The following WDR37 variants were observed in gnomAD, a reference collection of about 807,000 sequenced individuals.
WDR37 encodes the protein WD repeat domain 37.
WDR37 carries 19 observed loss-of-function variants against 62.9 expected under a neutral mutation model. The ratio of observed to expected loss-of-function variants is 0.30; its 90% CI spans 0.21 to 0.44. The LOEUF is 0.44. Ranked by LOEUF, WDR37 falls within the 20% of genes least tolerant of loss-of-function variation. The probability of loss-of-function intolerance (pLI) is 1.00; values close to 1 mark genes in which losing one functional copy is unlikely to be tolerated. For synonymous variants in WDR37, 250 were observed against 260.9 expected, an observed-to-expected ratio of 0.96 and a Z score of 0.40; for missense variants, 474 against 657.6, an observed-to-expected ratio of 0.72 and a Z score of 3.05.
chr10:1,067,660 A>G (rs1833595270), intron 1 of WDR37, among the ~76,000 whole-genome samples: 1 of 152,240 alleles, frequency 6.6e-6, no homozygotes, highest in Admixed American at 6.5e-5. Context: ...ATGAAAAGAT[A>G]GTGTCACTAG....
Position 1,122,098 on chromosome 10 carries a change from G to A in WDR37, c.1104-2120G>A, listed in dbSNP as rs147400996. On this transcript the variant is annotated intron_variant, in intron 11 of 13. Transcript: ENST00000263150. ...TCTCATCCAGGGCCGCATAGAGCAT[G>A]AAATCCCATGTCACGGTACAGCTTC... Among the ~76,000 whole-genome samples the A allele has an allele frequency of 9.3e-3, 1,415 of 152,264 alleles. 9 individuals carry two copies. The highest frequency in any genetic ancestry group is 0.015 in the Non-Finnish European group (1,029 of 68,028).
intron 1 of WDR37, among the ~76,000 whole-genome samples, chr10:1,068,435 C>T (rs922663757): frequency 7.3e-5 from 11 of 151,400 alleles, no homozygotes; most frequent in African/African-American, 2.2e-4. Context: ...CCAGCCTGGG[C>T]GACAGCGAGA....
At chr10:1,118,332 CCT>C (rs1376449568) in intron 11 of WDR37, among the ~76,000 whole-genome samples, 1 of 132,152 alleles carries the variant, frequency 7.6e-6, no homozygotes, top group Non-Finnish European at 1.6e-5. Context: ...ACTCAGCCAC[CCT>C]CAGCCAGCCC....
At chr10:1,096,615 G>T in intron 9 of WDR37, 1 of 237,630 alleles carries the variant, frequency 4.2e-6, no homozygotes, top group Non-Finnish European at 8.2e-6. Flanking sequence ...GAAAATAAAT[G>T]TCTGTTTTTT....
rs1834682870 is a variant in WDR37, at chr10:1,098,654, CT to C, written c.726+2409del. Reference sequence around the variant, plus strand: ...TGTGCTAATATTAATAGAAGAGCCCCTGTGGGCACGCGGCAGGATGGCGGTG... The same window carrying C: ...TGTGCTAATATTAATAGAAGAGCCCCGTGGGCACGCGGCAGGATGGCGGTG... On this transcript the variant is annotated intron_variant, in intron 9 of 13. Transcript: ENST00000263150. Among the ~76,000 whole-genome samples, 3 of 152,334 alleles carry C rather than the reference CT, an allele frequency of 2.0e-5. No individual in the cohort carries two copies. The East Asian group carries it at 5.8e-4, about 29-fold the overall frequency.
chr10:1,091,987 T>C (rs572771421), intron 7 of WDR37, among the ~76,000 whole-genome samples: 2 of 148,460 alleles, frequency 1.3e-5, no homozygotes, highest in South Asian at 2.2e-4. Flanking sequence ...GAGACCATCT[T>C]GGCTAACACG....
At chr10:1,084,188 G>A (rs1349233721) in intron 5 of WDR37, among the ~76,000 whole-genome samples, 1 of 152,148 alleles carries the variant, frequency 6.6e-6, no homozygotes, top group Non-Finnish European at 1.5e-5. Flanking sequence ...AGGTCGCCGC[G>A]AGAGCTGCAC....
chr10:1,117,154 A>C (rs894067567), intron 11 of WDR37, among the ~76,000 whole-genome samples: 1 of 152,154 alleles, frequency 6.6e-6, no homozygotes, highest in African/African-American at 2.4e-5. Context: ...TCCTGGGCTC[A>C]AGTGATCCTC....
chr10:1,072,682 C>G (rs1833764345), intron 2 of WDR37, among the ~76,000 whole-genome samples: 1 of 36,946 alleles, frequency 2.7e-5, no homozygotes, highest in African/African-American at 8.7e-5. Context: ...ATATAAAGGT[C>G]TCCAAAGTAA....
At chr10:1,096,415 G>A in intron 9 of WDR37, 169 bp downstream of exon 9, 2 of 693,114 alleles carry the variant, frequency 2.9e-6, no homozygotes, top group Admixed American at 2.3e-5. Context: ...TAAGGTAGTA[G>A]TTAAGGTTCA....
At chr10:1,060,265 T>C (rs987801288) in intron 1 of WDR37, among the ~76,000 whole-genome samples, 5 of 152,210 alleles carry the variant, frequency 3.3e-5, no homozygotes, top group Non-Finnish European at 7.3e-5. Flanking sequence ...GCATCACAGC[T>C]GTGTGCCTGT....
At chr10:1,120,171 G>T (rs1835532332) in intron 11 of WDR37, among the ~76,000 whole-genome samples, 1 of 152,188 alleles carries the variant, frequency 6.6e-6, no homozygotes, top group Non-Finnish European at 1.5e-5. Flanking sequence ...TCCAAAAGGC[G>T]TGGGTGATGA....
intron 13 of WDR37, among the ~76,000 whole-genome samples, chr10:1,126,409 A>C (rs1051034411): frequency 4.6e-5 from 7 of 151,154 alleles, no homozygotes; most frequent in Non-Finnish European, 7.4e-5. Flanking sequence ...GTGTCTCAGA[A>C]AAAAAAAAAA....
At chr10:1,126,202 G>C (rs892201406) in intron 13 of WDR37, among the ~76,000 whole-genome samples, 1 of 152,074 alleles carries the variant, frequency 6.6e-6, no homozygotes, top group Admixed American at 6.5e-5. Context: ...TCAGGAGATC[G>C]AGACCATCCT....
chr10:1,097,295 A>T (rs542459195), intron 9 of WDR37, among the ~76,000 whole-genome samples: 1 of 152,272 alleles, frequency 6.6e-6, no homozygotes, highest in Non-Finnish European at 1.5e-5. Context: ...GGTGGGAGCC[A>T]CAGCTTTAAG....
intron 5 of WDR37, among the ~76,000 whole-genome samples, chr10:1,084,139 C>G (rs1834117429): frequency 1.3e-5 from 2 of 152,106 alleles, no homozygotes; most frequent in Admixed American, 6.6e-5. Flanking sequence ...GTGAGACCTT[C>G]CATGCCTGGC....
chr10:1,090,979 C>T (rs568396100), intron 7 of WDR37, among the ~76,000 whole-genome samples: 29 of 152,262 alleles, frequency 1.9e-4, no homozygotes, highest in Admixed American at 7.8e-4. Context: ...GGAAGGTGAC[C>T]GGGGGTGATT....
At chr10:1,093,699 G>A (rs1834475630) in intron 8 of WDR37, among the ~76,000 whole-genome samples, 1 of 152,186 alleles carries the variant, frequency 6.6e-6, no homozygotes, top group East Asian at 1.9e-4. Flanking sequence ...TAAGCAGTTG[G>A]ATTTATTGTG....
intron 13 of WDR37, among the ~76,000 whole-genome samples, chr10:1,125,372 C>A (rs547153585): frequency 6.6e-6 from 1 of 152,096 alleles, no homozygotes; most frequent in East Asian, 1.9e-4. Context: ...TACAGGCATG[C>A]GCCACCACGC....
Sources: allele counts gnomAD v4.1 joint callset (sites outside exome capture counted in the v4.1 genomes callset), GRCh38; gene constraint gnomAD v4.1.1; transcripts MANE v1.5; gene names NCBI Gene and HGNC (gene_info 2026-07-23, HGNC 2026-07-21).